The following SMIM3 variants were observed in gnomAD, a reference collection of about 807,000 sequenced individuals.
The protein encoded by SMIM3 is NGF-induced differentiation clone 67 protein.
In SMIM3, 4 loss-of-function variants were observed where a neutral mutation model predicts 2.1. That is an observed-to-expected ratio of 1.89 (90% CI 0.93 to 4.31). SMIM3 has a LOEUF of 4.31. Ranked by LOEUF, SMIM3 falls within the 30% of genes most tolerant of loss-of-function variation. The probability of loss-of-function intolerance (pLI) is 0.01; values close to 1 mark genes in which losing one functional copy is unlikely to be tolerated. For synonymous variants in SMIM3, 29 were observed against 30.8 expected (o/e 0.94, Z 0.19); for missense variants, 79 against 77.7 (o/e 1.02, Z -0.06).
At chr5:150,794,969 A>G (rs559045105) in intron 1 of SMIM3, among the ~76,000 whole-genome samples, 72 of 152,252 alleles carry the variant, frequency 4.7e-4, no homozygotes, top group Non-Finnish European at 4.9e-4. Flanking sequence ...GCGGTATAGG[A>G]CCAAAAACAA....
intron 1 of SMIM3, among the ~76,000 whole-genome samples, chr5:150,788,879 G>A (rs527242218): frequency 5.3e-5 from 8 of 152,184 alleles, no homozygotes; most frequent in African/African-American, 1.9e-4. Context: ...GGCATGTTTG[G>A]TGCTAGTGGC....
At chr5:150,795,388 A>C in intron 1 of SMIM3, 42 bp from the exon 2 acceptor site, 6 of 1,600,688 alleles carry the variant, frequency 3.7e-6, no homozygotes, top group Non-Finnish European at 5.1e-6. Flanking sequence ...GGAGGCAGGG[A>C]GAGAGTACGC....
At chr5:150,779,779 A>G (rs1181600233) in intron 1 of SMIM3, among the ~76,000 whole-genome samples, 2 of 151,976 alleles carry the variant, frequency 1.3e-5, no homozygotes, top group Non-Finnish European at 2.9e-5. Context: ...GGGCCTGGCT[A>G]ACAGTAGGTG....
At chr5:150,792,295 C>A (rs1753356862) in intron 1 of SMIM3, among the ~76,000 whole-genome samples, 1 of 152,178 alleles carries the variant, frequency 6.6e-6, no homozygotes, top group African/African-American at 2.4e-5. Context: ...AGCCTTGTGC[C>A]CTCTGGGCAG....
At position 150,789,843 on chromosome 5, in the gene SMIM3, G is replaced by A. The variant is rs547595662; in HGVS notation, c.-11-5587G>A. On this transcript the variant is annotated intron_variant, in intron 1 of 1. Coordinates refer to ENST00000526627, the MANE Select transcript of SMIM3 (RefSeq NM_032947.5). ...ATCTCTAGTGCTTAGGGTCTCTGAG[G>A]ATAATGTATTCAGCTCTGCTGGGTA... Among the ~76,000 whole-genome samples, 16 of 152,284 alleles carry A rather than the reference G, an allele frequency of 1.1e-4. No individual in the cohort carries two copies. In the South Asian group the frequency reaches 3.3e-3, roughly 32 times the overall value.
At chr5:150,779,911 G>A (rs1160441590) in intron 1 of SMIM3, among the ~76,000 whole-genome samples, 1 of 138,126 alleles carries the variant, frequency 7.2e-6, no homozygotes, top group African/African-American at 2.8e-5. Context: ...TCTTACTTAT[G>A]CAGCTGCACT....
At chr5:150,794,284 A>T (rs1017070663) in intron 1 of SMIM3, among the ~76,000 whole-genome samples, 6 of 152,168 alleles carry the variant, frequency 3.9e-5, no homozygotes, top group Non-Finnish European at 8.8e-5. Flanking sequence ...AAATAACTAA[A>T]AGTAGGACTA....
chr5:150,795,100 T>G (rs1172726871), intron 1 of SMIM3, among the ~76,000 whole-genome samples: 1 of 152,240 alleles, frequency 6.6e-6, no homozygotes, highest in Non-Finnish European at 1.5e-5. Context: ...TAATGTCATC[T>G]TGCCTTTTAA....
In SMIM3 at chr5:150,795,518, C is replaced by A. The variant is rs890825598; in HGVS notation, c.78C>A (p.Ile26=). ...TGGATATCTGGGTTATTGTCCTCAT[C>A]ATCCTGGCCACCATTGTCATCATGA... ...HILDIWVIVL[I]ILATIVIMTS... Residue 26 remains isoleucine (I), a synonymous_variant, in exon 2 of 2, where the codon ATC becomes ATA. Transcript: ENST00000526627. 3 of 1,613,100 alleles carry A rather than the reference C, an allele frequency of 1.9e-6. No individual in the cohort carries two copies. The highest frequency in any genetic ancestry group is 2.5e-6 in the Non-Finnish European group (3 of 1,179,864).
intron 1 of SMIM3, among the ~76,000 whole-genome samples, chr5:150,782,145 T>C (rs140427365): frequency 8.4e-4 from 128 of 152,270 alleles, no homozygotes; most frequent in African/African-American, 2.9e-3. Context: ...CTTTGGGTCA[T>C]TGGAGAAAAG....
At chr5:150,795,168 G>T (rs1753389479) in intron 1 of SMIM3, among the ~76,000 whole-genome samples, 1 of 152,182 alleles carries the variant, frequency 6.6e-6, no homozygotes, top group African/African-American at 2.4e-5. Context: ...CCAAGAAATA[G>T]AAAACAATAA....
At chr5:150,794,685 C>T (rs1753384133) in intron 1 of SMIM3, among the ~76,000 whole-genome samples, 1 of 152,068 alleles carries the variant, frequency 6.6e-6, no homozygotes. Context: ...GGGAGAGGGG[C>T]AGACTACAAA....
chr5:150,789,654 C>T (rs57214326), intron 1 of SMIM3, among the ~76,000 whole-genome samples: 1 of 152,148 alleles, frequency 6.6e-6, no homozygotes, highest in South Asian at 2.1e-4. Flanking sequence ...AGTAAGCCCG[C>T]TGCACTGAGC....
chr5:150,789,626 A>G (rs574514399), intron 1 of SMIM3, among the ~76,000 whole-genome samples: 1 of 152,334 alleles, frequency 6.6e-6, no homozygotes, highest in Non-Finnish European at 1.5e-5. Context: ...GAAACTGAAT[A>G]GTAGCACTGC....
In SMIM3 at chr5:150,778,906, G is replaced by T; in HGVS notation, c.-78G>T. The T allele has an allele frequency of 2.0e-6, 1 of 509,804 alleles. No individual in the cohort carries two copies. The allele number at this position is 509,804 out of a possible 1,614,324, so 31.6% of individuals were successfully genotyped here. A position where few individuals can be genotyped will look rare whatever the true frequency, so the allele number is the denominator to read the frequency against. ...CAGCTGCCAGATCCCGTGCAGTCCT[G>T]GGGACCCTGAGAAGCACCGAGCCAT... On this transcript the variant is annotated 5_prime_UTR_variant, in exon 1 of 2. Coordinates refer to ENST00000526627, the MANE Select transcript of SMIM3 (RefSeq NM_032947.5).
At position 150,796,217 on chromosome 5, in the gene SMIM3, G is replaced by A. The variant is rs1753406823; in HGVS notation, c.*594G>A. ...TCTGCCCCTGTGTAATCTGAAGGAA[G>A]GCTGTGCCATCTTTGGGCACTGCCA... On this transcript the variant is annotated 3_prime_UTR_variant, in exon 2 of 2. Coordinates refer to ENST00000526627, the MANE Select transcript of SMIM3 (RefSeq NM_032947.5). 1 of 153,606 alleles carries A rather than the reference G, an allele frequency of 6.5e-6. No individual in the cohort carries two copies. The highest frequency in any genetic ancestry group is 1.5e-5 in the Non-Finnish European group (1 of 68,498). The allele number at this position is 153,606 out of a possible 1,614,324, so 9.5% of individuals were successfully genotyped here. A position where few individuals can be genotyped will look rare whatever the true frequency, so the allele number is the denominator to read the frequency against.
At chr5:150,780,947 A>G (rs1753226852) in intron 1 of SMIM3, among the ~76,000 whole-genome samples, 1 of 152,198 alleles carries the variant, frequency 6.6e-6, no homozygotes, top group South Asian at 2.1e-4. Flanking sequence ...AGTAAGCGGA[A>G]TGATGTTATA....
chr5:150,791,607 A>G (rs1468514792), intron 1 of SMIM3, among the ~76,000 whole-genome samples: 1 of 152,198 alleles, frequency 6.6e-6, no homozygotes, highest in Admixed American at 6.5e-5. Flanking sequence ...CTAAGACTAA[A>G]TAATATTCCA....
intron 1 of SMIM3, among the ~76,000 whole-genome samples, chr5:150,783,894 T>C (rs1753262596): frequency 6.6e-6 from 1 of 150,600 alleles, no homozygotes; most frequent in Admixed American, 6.6e-5. Context: ...CCCTAACTAA[T>C]GGCAGAGGCT....
Sources: allele counts gnomAD v4.1 joint callset (sites outside exome capture counted in the v4.1 genomes callset), GRCh38; gene constraint gnomAD v4.1.1; transcripts MANE v1.5; gene names NCBI Gene and HGNC (gene_info 2026-07-23, HGNC 2026-07-21).